Variants in IMP3 observed in about 807,000 individuals in gnomAD.
IMP3 encodes the protein IMP U3 small nucleolar ribonucleoprotein 3.
A neutral mutation model predicts 10.2 loss-of-function variants in IMP3; 17 were observed. The ratio of observed to expected loss-of-function variants is 1.67; its 90% CI spans 1.14 to 2.50. IMP3 has a LOEUF of 2.50. IMP3 is among the 30% of genes most tolerant of loss of function. IMP3 has a pLI of 0.00. For synonymous variants in IMP3, 167 were observed against 120.1 expected, an observed-to-expected ratio of 1.39 and a Z score of -2.55; for missense variants, 290 against 260.2, an observed-to-expected ratio of 1.11 and a Z score of -0.79.
chr15:75,640,186 C>G lies in IMP3; in HGVS notation c.-18G>C, dbSNP rs1006969279. On this transcript the variant is annotated 5_prime_UTR_variant, in exon 1 of 1. Transcript: ENST00000403490. ...CGCACCATGATGGCGGCAGCCGCAGCCGCAGGACCCGAAGCTGAGAGCGCG... is the reference window on the plus strand; with the variant it reads ...CGCACCATGATGGCGGCAGCCGCAGGCGCAGGACCCGAAGCTGAGAGCGCG... The G allele has an allele frequency of 6.7e-7, 1 of 1,499,070 alleles. No individual in the cohort carries two copies. Among genetic ancestry groups the G allele is most frequent in the African/African-American group, 1.4e-5 (1 of 70,582 alleles). The allele number at this position is 1,499,070 out of a possible 1,614,324, so 92.9% of individuals were successfully genotyped here. A position where few individuals can be genotyped will look rare whatever the true frequency, so the allele number is the denominator to read the frequency against.
Position 75,639,166 on chromosome 15 carries a change from C to T in IMP3, c.*448G>A, listed in dbSNP as rs1893386172. The T allele has an allele frequency of 5.8e-6, 1 of 172,400 alleles. No homozygotes were observed. The highest frequency in any genetic ancestry group is 1.3e-5 in the Non-Finnish European group (1 of 78,756). The allele number at this position is 172,400 out of a possible 1,614,324, so 10.7% of individuals were successfully genotyped here. On this transcript the variant is annotated 3_prime_UTR_variant, in exon 1 of 1. Transcript: ENST00000403490. ...GGAGATCCTGAACACTAGTCTCGCT[C>T]AGTTTATAAAAACTTGAGGCCAAAC...
At position 75,640,070 on chromosome 15, in the gene IMP3, C is replaced by G. The variant is rs1381996827; in HGVS notation, c.99G>C (p.Val33=). 19 of 1,608,892 alleles carry G rather than the reference C, an allele frequency of 1.2e-5. No individual in the cohort carries two copies. The highest frequency in any genetic ancestry group is 1.6e-5 in the Non-Finnish European group (19 of 1,178,276). The part of the protein sequence containing the change: ...VTDHNLHELR[V]LRRYRLQRRE... ...GCCGCTGCAGCCGGTAACGCCGCAGCACGCGCAGCTCGTGCAGGTTGTGGT... is the reference window on the plus strand; with the variant it reads ...GCCGCTGCAGCCGGTAACGCCGCAGGACGCGCAGCTCGTGCAGGTTGTGGT... Residue 33 remains valine (V), a synonymous_variant, in exon 1 of 1, where the codon GTG becomes GTC. Coordinates refer to ENST00000403490, the MANE Select transcript of IMP3 (RefSeq NM_018285.4).
rs772253861 is a variant in IMP3, at chr15:75,639,884, C to A, written c.285G>T (p.Leu95=). Residue 95 remains leucine, a synonymous_variant, in exon 1 of 1, where the codon CTG becomes CTT. Coordinates refer to ENST00000403490, the MANE Select transcript of IMP3 (RefSeq NM_018285.4). ...AGGCCGTGACGAAGTCGCAGAGCTC[C>A]AGCGAACCGCGCGTGGGCACCAAGC... ...ALGLVPTRGS[L]ELCDFVTASS... 5 of 1,611,318 alleles carry A rather than the reference C, an allele frequency of 3.1e-6. No homozygotes were observed. In the South Asian group the frequency reaches 5.5e-5, roughly 18 times the overall value.
Position 75,639,553 on chromosome 15 carries a change from T to A in IMP3, c.*61A>T. On this transcript the variant is annotated 3_prime_UTR_variant, in exon 1 of 1. Coordinates refer to ENST00000403490, the MANE Select transcript of IMP3 (RefSeq NM_018285.4). ...TTGAGGAGAGCACCCTCATAGAATCTCCAGCATCAGGCCTCAGTTTTCCCA... is the reference window on the plus strand; with the variant it reads ...TTGAGGAGAGCACCCTCATAGAATCACCAGCATCAGGCCTCAGTTTTCCCA... The A allele has an allele frequency of 6.7e-7, 1 of 1,482,130 alleles. No homozygotes were observed. The highest frequency in any genetic ancestry group is 1.7e-5 in the Admixed American group (1 of 59,574). The allele number at this position is 1,482,130 out of a possible 1,614,324, so 91.8% of individuals were successfully genotyped here. A position where few individuals can be genotyped will look rare whatever the true frequency, so the allele number is the denominator to read the frequency against.
chr15:75,640,199 A>G lies in IMP3; in HGVS notation c.-31T>C, dbSNP rs752961585. The G allele has an allele frequency of 1.6e-5, 24 of 1,490,938 alleles. No homozygotes were observed. Among genetic ancestry groups the G allele is most frequent in the East Asian group, 2.4e-5 (1 of 41,266 alleles). 92.4% of individuals were successfully genotyped at this position (1,490,938 alleles called of 1,614,324 possible). A position where few individuals can be genotyped will look rare whatever the true frequency, so the allele number is the denominator to read the frequency against. ...CGGCAGCCGCAGCCGCAGGACCCGA[A>G]GCTGAGAGCGCGTTCTGGCATCCGC... On this transcript the variant is annotated 5_prime_UTR_variant, in exon 1 of 1. Transcript: ENST00000403490.
Position 75,639,997 on chromosome 15 carries a change from G to C in IMP3, c.172C>G (p.Leu58Val), listed in dbSNP as rs762545847. The C allele has an allele frequency of 3.1e-6, 5 of 1,602,110 alleles. No individual in the cohort carries two copies. Among genetic ancestry groups the C allele is most frequent in the Non-Finnish European group, 4.3e-6 (5 of 1,175,142 alleles). The change falls in exon 1 of 1, where the codon CTG (leucine) becomes GTG (valine). Residue 58 changes from leucine to valine, a missense_variant. Leu to Val is a conservative substitution (Grantham distance 32). Transcript: ENST00000403490. ...YNQLSRAVRE[L>V]ARRLRDLPER... ...GGCAGGTCGCGCAGGCGCCGCGCCA[G>C]CTCACGCACGGCACGGCTCAGCTGG...
At position 75,640,175 on chromosome 15, in the gene IMP3, G is replaced by C; in HGVS notation, c.-7C>G. On this transcript the variant is annotated 5_prime_UTR_variant, in exon 1 of 1. Transcript: ENST00000403490. ...ACTTAAGCTTCCGCACCATGATGGC[G>C]GCAGCCGCAGCCGCAGGACCCGAAG... 19 of 1,506,448 alleles carry C rather than the reference G, an allele frequency of 1.3e-5. No individual in the cohort carries two copies. The South Asian group carries it at 2.4e-4, about 19-fold the overall frequency. 93.3% of individuals were successfully genotyped at this position (1,506,448 alleles called of 1,614,324 possible).
chr15:75,639,299 T>G lies in IMP3; in HGVS notation c.*315A>C. On this transcript the variant is annotated 3_prime_UTR_variant, in exon 1 of 1. Transcript: ENST00000403490. ...GATAAAGGGAAACAGGGCGTGGGGA[T>G]TTCCAGTTTTTCCTTTTACATTACA... is the stretch of plus-strand genomic sequence containing the variant. 2 of 352,704 alleles carry G rather than the reference T, an allele frequency of 5.7e-6. No individual in the cohort carries two copies. Among genetic ancestry groups the G allele is most frequent in the Non-Finnish European group, 1.1e-5 (2 of 190,248 alleles). The allele number at this position is 352,704 out of a possible 1,614,324, so 21.8% of individuals were successfully genotyped here. A position where few individuals can be genotyped will look rare whatever the true frequency, so the allele number is the denominator to read the frequency against.
Position 75,639,719 on chromosome 15 carries a change from G to A in IMP3, c.450C>T (p.Val150=), listed in dbSNP as rs1172711933. The change falls in exon 1 of 1, where the codon GTC becomes GTT. Residue 150 remains valine, a synonymous_variant. Transcript: ENST00000403490. The stretch of plus-strand genomic sequence containing the variant: ...TGACAAAGTCCTCCATGCTGCGCGT[G>A]ACAAGGAAGGCGGGGTCGGTAACCA... ...PDVVTDPAFL[V]TRSMEDFVTW... 2 of 1,613,854 alleles carry A rather than the reference G, an allele frequency of 1.2e-6. No individual in the cohort carries two copies. Among genetic ancestry groups the A allele is most frequent in the Admixed American group, 1.7e-5 (1 of 60,032 alleles).
chr15:75,639,837 A>AGGC lies in IMP3; in HGVS notation c.329_331dup (p.Arg110dup), dbSNP rs750702530. The AGGC allele has an allele frequency of 8.3e-5, 133 of 1,610,972 alleles. No individual in the cohort carries two copies. Among genetic ancestry groups the AGGC allele is most frequent in the Non-Finnish European group, 1.0e-4 (120 of 1,179,112 alleles). On this transcript the variant is annotated inframe_insertion, in exon 1 of 1. Coordinates refer to ENST00000403490, the MANE Select transcript of IMP3 (RefSeq NM_018285.4). Reference sequence around the variant, plus strand: ...GCGCAGCTTGAGGAGCACGGTGGGGAGGCGGCGGCGGCAGAAGGACGAGGC... The same window carrying AGGC: ...GCGCAGCTTGAGGAGCACGGTGGGGAGGCGGCGGCGGCGGCAGAAGGACGAGGC...
chr15:75,639,850 A>G lies in IMP3; in HGVS notation c.319T>C (p.Cys107Arg). Residue 107 changes from cysteine to arginine, a missense_variant, in exon 1 of 1, where the codon TGC becomes CGC. Transcript: ENST00000403490. ...LCDFVTASSFCRRRLPTVLLK... is the reference protein window; with the variant it reads ...LCDFVTASSFRRRRLPTVLLK... ...AGCACGGTGGGGAGGCGGCGGCGGC[A>G]GAAGGACGAGGCCGTGACGAAGTCG... 2.5e-6 allele frequency: 4 copies of G among 1,611,192 alleles called. No homozygotes were observed. The highest frequency in any genetic ancestry group is 3.4e-6 in the Non-Finnish European group (4 of 1,179,058).
At position 75,639,518 on chromosome 15, in the gene IMP3, TC is replaced by T. The variant is rs1893391495; in HGVS notation, c.*95del. 11 of 1,129,278 alleles carry T rather than the reference TC, an allele frequency of 9.7e-6. No individual in the cohort carries two copies. The Admixed American group carries it at 1.9e-4, about 19-fold the overall frequency. The allele number at this position is 1,129,278 out of a possible 1,614,324, so 70.0% of individuals were successfully genotyped here. A position where few individuals can be genotyped will look rare whatever the true frequency, so the allele number is the denominator to read the frequency against. On this transcript the variant is annotated 3_prime_UTR_variant, in exon 1 of 1. Coordinates refer to ENST00000403490, the MANE Select transcript of IMP3 (RefSeq NM_018285.4). Reference sequence around the variant, plus strand: ...TCAAATTCTTAAGAACCTACGACCGTCTGATACCCTTGAGGAGAGCACCCTC... The same window carrying T: ...TCAAATTCTTAAGAACCTACGACCGTTGATACCCTTGAGGAGAGCACCCTC...
Position 75,639,321 on chromosome 15 carries a change from T to A in IMP3, c.*293A>T, listed in dbSNP as rs989221363. 1 of 403,950 alleles carries A rather than the reference T, an allele frequency of 2.5e-6. No individual in the cohort carries two copies. Among genetic ancestry groups the A allele is most frequent in the Admixed American group, 4.3e-5 (1 of 23,138 alleles). The allele number at this position is 403,950 out of a possible 1,614,324, so 25.0% of individuals were successfully genotyped here. ...GGATTTCCAGTTTTTCCTTTTACAT[T>A]ACAAAGTTTCCAACACAAGAAGCCA... On this transcript the variant is annotated 3_prime_UTR_variant, in exon 1 of 1. Transcript: ENST00000403490.
chr15:75,640,191 G>T lies in IMP3; in HGVS notation c.-23C>A, dbSNP rs772236132. 6 of 1,497,738 alleles carry T rather than the reference G, an allele frequency of 4.0e-6. No individual in the cohort carries two copies. In the African/African-American group the frequency reaches 5.7e-5, roughly 14 times the overall value. The allele number at this position is 1,497,738 out of a possible 1,614,324, so 92.8% of individuals were successfully genotyped here. A position where few individuals can be genotyped will look rare whatever the true frequency, so the allele number is the denominator to read the frequency against. On this transcript the variant is annotated 5_prime_UTR_variant, in exon 1 of 1. The change creates a new upstream start codon in the 5' untranslated region. Coordinates refer to ENST00000403490, the MANE Select transcript of IMP3 (RefSeq NM_018285.4). ...CATGATGGCGGCAGCCGCAGCCGCA[G>T]GACCCGAAGCTGAGAGCGCGTTCTG...
Position 75,639,540 on chromosome 15 carries a change from C to T in IMP3, c.*74G>A. ...CCGTCTGATACCCTTGAGGAGAGCA[C>T]CCTCATAGAATCTCCAGCATCAGGC... On this transcript the variant is annotated 3_prime_UTR_variant, in exon 1 of 1. Transcript: ENST00000403490. 1.5e-6 allele frequency: 2 copies of T among 1,372,948 alleles called. No homozygotes were observed. The highest frequency in any genetic ancestry group is 2.1e-6 in the Non-Finnish European group (2 of 966,694). 85.0% of individuals were successfully genotyped at this position (1,372,948 alleles called of 1,614,324 possible). A position where few individuals can be genotyped will look rare whatever the true frequency, so the allele number is the denominator to read the frequency against.
Position 75,639,662 on chromosome 15 carries a change from G to A in IMP3, c.507C>T (p.His169=). ...CGCGCTCCTCATTGTACTCTAGCAC[G>A]TGCCGCTTGATCTTGGACGAGTCCA... is the stretch of plus-strand genomic sequence containing the variant. ...TWVDSSKIKR[H]VLEYNEERDD... Residue 169 remains histidine (H), a synonymous_variant, in exon 1 of 1, where the codon CAC becomes CAT. Coordinates refer to ENST00000403490, the MANE Select transcript of IMP3 (RefSeq NM_018285.4). The A allele has an allele frequency of 6.2e-7, 1 of 1,613,926 alleles. No homozygotes were observed. The highest frequency in any genetic ancestry group is 8.5e-7 in the Non-Finnish European group (1 of 1,180,044).
At position 75,639,396 on chromosome 15, in the gene IMP3, C is replaced by A. The variant is rs1291760939; in HGVS notation, c.*218G>T. The A allele has an allele frequency of 1.8e-6, 1 of 570,364 alleles. No homozygotes were observed. The highest frequency in any genetic ancestry group is 3.1e-6 in the Non-Finnish European group (1 of 323,106). 35.3% of individuals were successfully genotyped at this position (570,364 alleles called of 1,614,324 possible). A position where few individuals can be genotyped will look rare whatever the true frequency, so the allele number is the denominator to read the frequency against. On this transcript the variant is annotated 3_prime_UTR_variant, in exon 1 of 1. Transcript: ENST00000403490. ...TTACTTCCCACTGTTTCCCAAGGCA[C>A]AGTCAATTAATAATCAGTAGTCCAA...
chr15:75,640,023 T>G lies in IMP3; in HGVS notation c.146A>C (p.Asn49Thr). ...LQRREDYTRYNQLSRAVRELA... is the reference protein window; with the variant it reads ...LQRREDYTRYTQLSRAVRELA... ...CTCACGCACGGCACGGCTCAGCTGG[T>G]TGTAGCGCGTGTAGTCCTCCCGCCG... The change falls in exon 1 of 1, where the codon AAC becomes ACC. Residue 49 changes from asparagine (N) to threonine (T), a missense_variant. Physicochemically the swap from Asn to Thr is moderately conservative, Grantham distance 65. Coordinates refer to ENST00000403490, the MANE Select transcript of IMP3 (RefSeq NM_018285.4). The G allele has an allele frequency of 6.2e-7, 1 of 1,600,314 alleles. No individual in the cohort carries two copies. Among genetic ancestry groups the G allele is most frequent in the Non-Finnish European group, 8.5e-7 (1 of 1,174,668 alleles).
At position 75,639,625 on chromosome 15, in the gene IMP3, G is replaced by A. The variant is rs148358312; in HGVS notation, c.544C>T (p.Leu182=). The part of the protein sequence containing the change: ...EYNEERDDFD[L]EA ...AAGTGGGAGATCCGCTAGGCTTCCA[G>A]ATCGAAGTCATCGCGCTCCTCATTG... Residue 182 remains leucine, a synonymous_variant, in exon 1 of 1, where the codon CTG becomes TTG. Coordinates refer to ENST00000403490, the MANE Select transcript of IMP3 (RefSeq NM_018285.4). 1 of 1,613,662 alleles carries A rather than the reference G, an allele frequency of 6.2e-7. No individual in the cohort carries two copies.
Sources: allele counts gnomAD v4.1 joint callset, GRCh38; gene constraint gnomAD v4.1.1; transcripts MANE v1.5; gene names NCBI Gene and HGNC (gene_info 2026-07-23, HGNC 2026-07-21).